PDE1C: variants seen among roughly 807,000 people sequenced by gnomAD.
The protein encoded by PDE1C is dual specificity calcium/calmodulin-dependent 3',5'-cyclic nucleotide phosphodiesterase 1C.
In PDE1C, 62 loss-of-function variants were observed where a neutral mutation model predicts 93.1. That is an observed-to-expected ratio of 0.67 (90% CI 0.54 to 0.82). The LOEUF (loss-of-function observed/expected upper bound fraction) is 0.82. Among genes scored for constraint, PDE1C ranks in the 40% least tolerant of loss-of-function variants. The pLI is 0.00. For missense variants in PDE1C, 742 were observed against 884.6 expected, an observed-to-expected ratio of 0.84 and a Z score of 2.04; for synonymous variants, 325 against 310.1, an observed-to-expected ratio of 1.05 and a Z score of -0.50.
chr7:31,684,930 G>A, the PDE1C span, among the ~76,000 whole-genome samples: 3 of 152,106 alleles, frequency 2.0e-5, no homozygotes, highest in East Asian at 3.9e-4. Flanking sequence ...TTATGTTCAC[G>A]CAAAAGCCTC....
intron 2 of PDE1C, among the ~76,000 whole-genome samples, chr7:31,909,114 C>T (rs1001041168): frequency 4.6e-5 from 7 of 152,032 alleles, no homozygotes; most frequent in African/African-American, 1.7e-4. Flanking sequence ...CTCCTACTGG[C>T]TCTACTTTCT....
chr7:32,321,643 G>A (rs970608071), intron 1 of PDE1C, among the ~76,000 whole-genome samples: 4 of 152,222 alleles, frequency 2.6e-5, no homozygotes, highest in Admixed American at 6.5e-5. Context: ...GGGGAGGAGA[G>A]AGATGGAATT....
upstream of PDE1C, among the ~76,000 whole-genome samples, chr7:32,071,949 A>G (rs536805693): frequency 6.6e-6 from 1 of 152,210 alleles, no homozygotes; most frequent in South Asian, 2.1e-4. Flanking sequence ...TTTTTCCTCA[A>G]TGACAGGTAA....
chr7:31,870,315 GT>G (rs1181125381), intron 6 of PDE1C, among the ~76,000 whole-genome samples: 16 of 151,778 alleles, frequency 1.1e-4, no homozygotes, highest in Non-Finnish European at 1.5e-5. Flanking sequence ...AATGAGAAAA[GT>G]TGTTTTTTTG....
At chr7:31,663,619 G>T in the PDE1C span, among the ~76,000 whole-genome samples, 2 of 152,156 alleles carry the variant, frequency 1.3e-5, no homozygotes, top group African/African-American at 4.8e-5. Flanking sequence ...ACTTTTCAGA[G>T]TTCTCAGCTT....
the PDE1C span, among the ~76,000 whole-genome samples, chr7:31,736,536 C>A: frequency 6.6e-6 from 1 of 151,958 alleles, no homozygotes; most frequent in Admixed American, 6.6e-5. Context: ...AAACCTTGGT[C>A]CAACCGTGTG....
At chr7:31,652,901 T>C in the PDE1C span, 1 of 1,550,370 alleles carries the variant, frequency 6.5e-7, no homozygotes, top group Non-Finnish European at 8.7e-7. Flanking sequence ...AAATTTCAAT[T>C]TTCCCCAAGG....
rs1051903135 is a variant in PDE1C, at chr7:31,822,704, G to A, written c.1582+369C>T. Among the ~76,000 whole-genome samples, 5 of 152,204 alleles carry A rather than the reference G, an allele frequency of 3.3e-5. No homozygotes were observed. In the South Asian group the frequency reaches 6.2e-4, roughly 19 times the overall value. On this transcript the variant is annotated intron_variant, in intron 14 of 17. Transcript: ENST00000396191. Reference sequence around the variant, plus strand: ...TGGCCAAGGCAAGGTGGCTATTAGCGGGTCTTTACTTAGGTAAAAGAAGAA... The same window carrying A: ...TGGCCAAGGCAAGGTGGCTATTAGCAGGTCTTTACTTAGGTAAAAGAAGAA...
chr7:32,296,854 C>T (rs1436264744), intron 1 of PDE1C, among the ~76,000 whole-genome samples: 1 of 152,208 alleles, frequency 6.6e-6, no homozygotes. Context: ...TTAGCACCCA[C>T]CAACACCATT....
chr7:32,375,605 A>G (rs1243483102), intron 1 of PDE1C, among the ~76,000 whole-genome samples: 1 of 152,234 alleles, frequency 6.6e-6, no homozygotes, highest in African/African-American at 2.4e-5. Flanking sequence ...ACATCAAAGA[A>G]TTCTACCCAA....
chr7:32,009,071 C>T (rs1297448205), intron 2 of PDE1C, among the ~76,000 whole-genome samples: 1 of 152,152 alleles, frequency 6.6e-6, no homozygotes, highest in Non-Finnish European at 1.5e-5. Flanking sequence ...TAGATTTATC[C>T]TCCCATAAGA....
At chr7:32,377,441 G>A (rs1784452264) in intron 1 of PDE1C, among the ~76,000 whole-genome samples, 1 of 152,178 alleles carries the variant, frequency 6.6e-6, no homozygotes, top group African/African-American at 2.4e-5. Context: ...GTAGCGTATG[G>A]TTCCCCATCA....
chr7:32,247,260 C>T (rs895430012), intron 1 of PDE1C, among the ~76,000 whole-genome samples: 1 of 121,934 alleles, frequency 8.2e-6, no homozygotes, highest in Non-Finnish European at 1.8e-5. Flanking sequence ...TGGCCACAGA[C>T]CAGGTCTTGG....
At chr7:32,334,466 A>G (rs1253904942) in intron 1 of PDE1C, among the ~76,000 whole-genome samples, 1 of 152,120 alleles carries the variant, frequency 6.6e-6, no homozygotes, top group South Asian at 2.1e-4. Flanking sequence ...TTATTGGGGT[A>G]CAGGTGGTGT....
chr7:32,115,828 T>C (rs1798957022), intron 3 of PDE1C, among the ~76,000 whole-genome samples: 1 of 152,134 alleles, frequency 6.6e-6, no homozygotes, highest in African/African-American at 2.4e-5. Context: ...ATGAAAACTA[T>C]ACAGACAGAT....
intron 2 of PDE1C, among the ~76,000 whole-genome samples, chr7:31,962,558 T>G (rs1202165805): frequency 6.6e-6 from 1 of 152,144 alleles, no homozygotes. Flanking sequence ...AGCATAGAAT[T>G]GGAACTAAAA....
chr7:32,024,417 G>T (rs1471495493), intron 2 of PDE1C, among the ~76,000 whole-genome samples: 2 of 151,676 alleles, frequency 1.3e-5, no homozygotes, highest in Admixed American at 1.3e-4. Context: ...GTGTGTGTGT[G>T]TGTATGTATA....
At position 32,169,764 on chromosome 7, in the gene PDE1C, T is replaced by A. The variant is rs2072312; in HGVS notation, c.308+21A>T. The A allele has an allele frequency of 6.2e-6, 10 of 1,606,440 alleles. No individual in the cohort carries two copies. In the African/African-American group the frequency reaches 1.1e-4, roughly 17 times the overall value. ...CCACAAGCAAATAAGAAGGAACACA[T>A]TGAGTTGCAATCCACCAAACCTGAA... On this transcript the variant is annotated intron_variant, in intron 3 of 18. Coordinates refer to the PDE1C transcript ENST00000396193.
chr7:32,319,551 G>A (rs1296947682), intron 1 of PDE1C, among the ~76,000 whole-genome samples: 2 of 152,230 alleles, frequency 1.3e-5, no homozygotes, highest in African/African-American at 4.8e-5. Flanking sequence ...CATGGTCTAG[G>A]GGAGGCAAAA....
Sources: allele counts gnomAD v4.1 joint callset (sites outside exome capture counted in the v4.1 genomes callset), GRCh38; gene constraint gnomAD v4.1.1; transcripts MANE v1.5; gene names NCBI Gene and HGNC (gene_info 2026-07-23, HGNC 2026-07-21).